Variants in NDUFAF6 observed in about 807,000 individuals in gnomAD.
NDUFAF6 encodes NADH dehydrogenase (ubiquinone) complex I, assembly factor 6.
A neutral mutation model predicts 40.8 loss-of-function variants in NDUFAF6; 45 were observed. The ratio of observed to expected loss-of-function variants is 1.10; its 90% confidence interval spans 0.87 to 1.42. The LOEUF is 1.42. Ranked by LOEUF, NDUFAF6 falls within the 40% of genes most tolerant of loss-of-function variation. NDUFAF6 has a pLI of 0.00. For missense variants in NDUFAF6, 435 were observed against 418.5 expected, an observed-to-expected ratio of 1.04 and a Z score of -0.34; for synonymous variants, 185 against 155.9, an observed-to-expected ratio of 1.19 and a Z score of -1.39.
chr8:95,065,851 T>C (rs1157860068), intron 9 of NDUFAF6, among the ~76,000 whole-genome samples: 2 of 150,466 alleles, frequency 1.3e-5, no homozygotes, highest in Non-Finnish European at 2.9e-5. Flanking sequence ...GCACCTTTTA[T>C]ATATTTAAAA....
chr8:94,942,798 A>C (rs1019623695), intron 1 of NDUFAF6, among the ~76,000 whole-genome samples: 1 of 152,198 alleles, frequency 6.6e-6, no homozygotes, highest in African/African-American at 2.4e-5. Context: ...GGGCAAAGGA[A>C]CACTATGGAA....
At chr8:94,935,953 C>T (rs1253870395) in intron 1 of NDUFAF6, among the ~76,000 whole-genome samples, 1 of 152,104 alleles carries the variant, frequency 6.6e-6, no homozygotes, top group Non-Finnish European at 1.5e-5. Flanking sequence ...AAATGGGGAC[C>T]AACAGCACTG....
At chr8:95,005,006 A>C (rs1397442392) in intron 2 of NDUFAF6, among the ~76,000 whole-genome samples, 1 of 152,216 alleles carries the variant, frequency 6.6e-6, no homozygotes, top group African/African-American at 2.4e-5. Context: ...TGCAAGTAGT[A>C]ATTAAAGTCG....
At chr8:94,933,148 G>A (rs1409672281) in intron 1 of NDUFAF6, among the ~76,000 whole-genome samples, 1 of 152,138 alleles carries the variant, frequency 6.6e-6, no homozygotes, top group South Asian at 2.1e-4. Context: ...AACCCAGTGC[G>A]GAGGTTGCAG....
intron 4 of NDUFAF6, among the ~76,000 whole-genome samples, chr8:95,114,316 C>G (rs1217010147): frequency 6.6e-6 from 1 of 152,134 alleles, no homozygotes; most frequent in Admixed American, 6.5e-5. Flanking sequence ...ACCACTGAAC[C>G]CCAGTGGTTC....
intron 1 of NDUFAF6, among the ~76,000 whole-genome samples, chr8:94,918,364 G>A (rs1819275543): frequency 1.3e-5 from 2 of 152,124 alleles, no homozygotes; most frequent in South Asian, 2.1e-4. Flanking sequence ...GAGACTGGTG[G>A]AGAAATAAGC....
At chr8:94,964,163 C>T (rs1283201631) in intron 1 of NDUFAF6, among the ~76,000 whole-genome samples, 5 of 152,150 alleles carry the variant, frequency 3.3e-5, no homozygotes. Flanking sequence ...CACAGTGGCT[C>T]ATGCCTGTAA....
intron 2 of NDUFAF6, among the ~76,000 whole-genome samples, chr8:95,094,079 T>C (rs1393474958): frequency 6.6e-6 from 1 of 152,094 alleles, no homozygotes; most frequent in Non-Finnish European, 1.5e-5. Context: ...CAAGCGATTC[T>C]CCTGCCTCAG....
upstream of NDUFAF6, chr8:95,024,869 G>A (rs1827873134): frequency 2.7e-6 from 2 of 735,780 alleles, no homozygotes; most frequent in Non-Finnish European, 3.8e-6. Context: ...GGACCACAGC[G>A]ACACCTGGCT....
chr8:95,085,383 A>G (rs981105012), intron 2 of NDUFAF6, among the ~76,000 whole-genome samples: 1 of 152,176 alleles, frequency 6.6e-6, no homozygotes, highest in Non-Finnish European at 1.5e-5. Flanking sequence ...AGAAAATCCT[A>G]CGTACTATGG....
chr8:94,953,361 CA>C (rs562800399), upstream of NDUFAF6, among the ~76,000 whole-genome samples: 4 of 144,464 alleles, frequency 2.8e-5, no homozygotes, highest in South Asian at 2.2e-4. Flanking sequence ...AAAAAAAAAA[CA>C]AAAAAAAAAC....
intron 2 of NDUFAF6, among the ~76,000 whole-genome samples, chr8:95,086,691 T>A (rs1809056003): frequency 1.3e-5 from 2 of 150,958 alleles, no homozygotes; most frequent in South Asian, 4.2e-4. Context: ...AAGCTCTGCC[T>A]CCTGGGTTCA....
intron 2 of NDUFAF6, among the ~76,000 whole-genome samples, chr8:94,948,382 G>T (rs1822202627): frequency 6.6e-6 from 1 of 152,210 alleles, no homozygotes; most frequent in Non-Finnish European, 1.5e-5. Flanking sequence ...CCCCAGCATA[G>T]TATATGGCAC....
At chr8:94,990,901 A>G (rs181092625) in intron 2 of NDUFAF6, among the ~76,000 whole-genome samples, 6 of 152,350 alleles carry the variant, frequency 3.9e-5, no homozygotes, top group Admixed American at 2.0e-4. Context: ...TGCTCAGACA[A>G]TAAGCCCTTC....
intron 1 of NDUFAF6, chr8:94,929,358 A>G (rs2131304206): frequency 6.6e-6 from 1 of 152,252 alleles, no homozygotes; most frequent in Admixed American, 6.5e-5. Context: ...GCCTGAAGTT[A>G]AAACAAAAAA....
At chr8:95,064,167 C>G (rs2923815) in intron 9 of NDUFAF6, among the ~76,000 whole-genome samples, 139,971 of 151,530 alleles carry the variant, frequency 0.92, 64,703 homozygotes, top group East Asian at 1. Flanking sequence ...TGGGATTACA[C>G]GCGTGAGTCC....
chr8:95,068,976 T>C (rs1832766523), intron 9 of NDUFAF6: 1 of 151,938 alleles, frequency 6.6e-6, no homozygotes, highest in Non-Finnish European at 1.5e-5. Flanking sequence ...ATCTTCCTAC[T>C]CTTGACTCTG....
intron 2 of NDUFAF6, among the ~76,000 whole-genome samples, chr8:95,090,497 T>G (rs1946944): frequency 0.7 from 106,574 of 151,934 alleles, 38,049 homozygotes; most frequent in East Asian, 0.89. Context: ...TTCTTTACAG[T>G]GAACTTTCTA....
At chr8:95,018,230 T>G (rs1586976448) in intron 2 of NDUFAF6, among the ~76,000 whole-genome samples, 1 of 145,706 alleles carries the variant, frequency 6.9e-6, no homozygotes. Context: ...AGAGATGGGG[T>G]CTCCCTATGT....
Sources: allele counts gnomAD v4.1 joint callset (sites outside exome capture counted in the v4.1 genomes callset), GRCh38; gene constraint gnomAD v4.1.1; transcripts MANE v1.5; gene names NCBI Gene and HGNC (gene_info 2026-07-23, HGNC 2026-07-21).